The following ETNPPL variants were observed in gnomAD, a reference collection of about 807,000 sequenced individuals.
ETNPPL encodes the protein alanine--glyoxylate aminotransferase 2-like 1.
ETNPPL carries 30 observed loss-of-function variants against 55.5 expected under a neutral mutation model. The observed-to-expected ratio is 0.54, with a 90% CI of 0.40 to 0.73. ETNPPL has a LOEUF of 0.73. Ranked by LOEUF, ETNPPL falls within the 30% of genes least tolerant of loss-of-function variation. The probability of loss-of-function intolerance (pLI) is 0.00; values close to 1 mark genes in which losing one functional copy is unlikely to be tolerated. For synonymous variants in ETNPPL, 202 were observed against 207.2 expected (o/e 0.98, Z 0.21); for missense variants, 528 against 607.9 (o/e 0.87, Z 1.38).
rs749673070 is a variant in ETNPPL, at chr4:108,762,828, C to A, written c.56+15G>T. ...CCCCCTCTCTGCACTTACTTCCGGGCCAGGGTGCCCTTACCCGATGTGCTT... is the reference window on the plus strand; with the variant it reads ...CCCCCTCTCTGCACTTACTTCCGGGACAGGGTGCCCTTACCCGATGTGCTT... On this transcript the variant is annotated intron_variant, in intron 1 of 12. Coordinates refer to ENST00000296486, the MANE Select transcript of ETNPPL (RefSeq NM_031279.4). 2 of 1,613,832 alleles carry A rather than the reference C, an allele frequency of 1.2e-6. No homozygotes were observed. The highest frequency in any genetic ancestry group is 1.7e-6 in the Non-Finnish European group (2 of 1,179,690).
At chr4:108,762,726 C>A in intron 1 of ETNPPL, 117 bp downstream of exon 1, 2 of 1,278,428 alleles carry the variant, frequency 1.6e-6, no homozygotes, top group Admixed American at 1.7e-5. Context: ...ACAGGCGCGG[C>A]GGGCACGGAG....
intron 3 of ETNPPL, among the ~76,000 whole-genome samples, chr4:108,757,173 C>T (rs936136223): frequency 2.0e-5 from 3 of 152,090 alleles, no homozygotes; most frequent in Non-Finnish European, 2.9e-5. Context: ...TCATATTTAC[C>T]CAACATTTGA....
intron 11 of ETNPPL, among the ~76,000 whole-genome samples, chr4:108,745,198 T>C (rs1240562296): frequency 6.6e-6 from 1 of 152,198 alleles, no homozygotes; most frequent in East Asian, 1.9e-4. Context: ...ACAAGATATA[T>C]TTTTATGATA....
At position 108,749,295 on chromosome 4, in the gene ETNPPL, T is replaced by TACC; in HGVS notation, c.867_869dup (p.Val290dup). On this transcript the variant is annotated inframe_insertion, in exon 8 of 13. Coordinates refer to ENST00000296486, the MANE Select transcript of ETNPPL (RefSeq NM_031279.4). ...AGGCTTCTGCAATTTCTTTGGTTGT[T>TACC]ACCACACATGCCACCGGGTGGCCGT... The TACC allele has an allele frequency of 2.5e-6, 4 of 1,614,164 alleles. No homozygotes were observed. Among genetic ancestry groups the TACC allele is most frequent in the Non-Finnish European group, 3.4e-6 (4 of 1,180,026 alleles).
In ETNPPL at chr4:108,759,926, A is replaced by C; in HGVS notation, c.176-18T>G. On this transcript the variant is annotated intron_variant, in intron 2 of 12. Coordinates refer to ENST00000296486, the MANE Select transcript of ETNPPL (RefSeq NM_031279.4). ...GTGTCCCACTAAAATTTATGAAACAAAAGCCCAAGAAATAAGTTAGAATTC... is the reference window on the plus strand; with the variant it reads ...GTGTCCCACTAAAATTTATGAAACACAAGCCCAAGAAATAAGTTAGAATTC... The C allele has an allele frequency of 6.2e-7, 1 of 1,609,910 alleles. No homozygotes were observed. The highest frequency in any genetic ancestry group is 8.5e-7 in the Non-Finnish European group (1 of 1,177,636).
rs751396181 is a variant in ETNPPL, at chr4:108,752,897, T to C, written c.616A>G (p.Lys206Glu). The C allele has an allele frequency of 3.2e-6, 5 of 1,558,536 alleles. No homozygotes were observed. Among genetic ancestry groups the C allele is most frequent in the Non-Finnish European group, 1.8e-6 (2 of 1,132,764 alleles). The change falls in exon 6 of 13, where the codon AAG becomes GAG. Residue 206 changes from lysine to glutamate, a missense_variant and splice_region_variant. Coordinates refer to ENST00000296486, the MANE Select transcript of ETNPPL (RefSeq NM_031279.4). The part of the protein sequence containing the change: ...IIEDAHNSGR[K>E]IAAFIAESMQ... ...TTTCCAAAGCTATAAATACAAACCT[T>C]CCTTCCACTGTTATGAGCATCTTCA...
Position 108,746,775 on chromosome 4 carries a change from G to A in ETNPPL, c.1159C>T (p.His387Tyr), listed in dbSNP as rs1342875557. ...GGGGTGAATTACTTGTAGATGATGT[G>A]CTGAGCTTCAGCTGTGGCAGGGGTC... ...KRTPATAEAQ[H>Y]IIYKMKEKRV... The change falls in exon 10 of 13, where the codon CAC becomes TAC. Residue 387 changes from histidine (H) to tyrosine (Y), a missense_variant. Coordinates refer to ENST00000296486, the MANE Select transcript of ETNPPL (RefSeq NM_031279.4). The A allele has an allele frequency of 6.2e-7, 1 of 1,613,810 alleles. No homozygotes were observed. The highest frequency in any genetic ancestry group is 8.5e-7 in the Non-Finnish European group (1 of 1,179,774).
At chr4:108,750,493 G>A (rs913263597) in intron 7 of ETNPPL, among the ~76,000 whole-genome samples, 10 of 74,286 alleles carry the variant, frequency 1.3e-4, no homozygotes, top group African/African-American at 3.7e-4. Flanking sequence ...ACTTAATACC[G>A]CCGTGTGTGT....
intron 7 of ETNPPL, 80 bp from the exon 8 acceptor site, chr4:108,749,543 G>GAA: frequency 9.7e-7 from 1 of 1,035,312 alleles, no homozygotes; most frequent in South Asian, 1.7e-5. Flanking sequence ...AATTATTGAA[G>GAA]ACAAAAAAAA....
chr4:108,743,962 G>A (rs755869867), intron 11 of ETNPPL, 106 bp from the exon 12 acceptor site: 31 of 748,060 alleles, frequency 4.1e-5, no homozygotes, highest in Non-Finnish European at 4.6e-5. Context: ...GGAAGGAAAT[G>A]TTATGTGTTA....
chr4:108,753,805 A>AAAGAAAGAAAGAAAGG, intron 5 of ETNPPL, among the ~76,000 whole-genome samples: 1 of 117,544 alleles, frequency 8.5e-6, no homozygotes, highest in South Asian at 2.6e-4. Flanking sequence ...AGAAAGAAAG[A>AAAGAAAGAAAGAAAGG]AAAGAGAAGA....
rs1224778930 is a variant in ETNPPL at position 108,748,152 on chromosome 4, C to G, written c.935G>C (p.Gly312Ala). ...SGMEYFNTYG[G>A]NPVSCAVGLA... ...ACCAACAGCACAAGATACTGGATTT[C>G]CTCCATACTGTAAAAAAAAAAAAGA... is the stretch of plus-strand genomic sequence containing the variant. The change falls in exon 9 of 13, where the codon GGA becomes GCA. Residue 312 changes from glycine to alanine, a missense_variant. Gly to Ala is a moderately conservative substitution (Grantham distance 60). Coordinates refer to ENST00000296486, the MANE Select transcript of ETNPPL (RefSeq NM_031279.4). 6.4e-7 allele frequency: 1 copy of G among 1,562,416 alleles called. No homozygotes were observed. The highest frequency in any genetic ancestry group is 8.6e-7 in the Non-Finnish European group (1 of 1,165,126).
intron 4 of ETNPPL, among the ~76,000 whole-genome samples, chr4:108,755,302 A>G (rs72666459): frequency 0.091 from 13,796 of 152,270 alleles, 888 homozygotes; most frequent in Non-Finnish European, 0.14. Context: ...ACAAAAATTA[A>G]CTCAACATGG....
intron 3 of ETNPPL, among the ~76,000 whole-genome samples, chr4:108,759,040 ACTC>A (rs1729373543): frequency 6.6e-6 from 1 of 151,990 alleles, no homozygotes; most frequent in Non-Finnish European, 1.5e-5. Context: ...CAAGAGCGAA[ACTC>A]CATCTCAAAA....
At chr4:108,747,940 G>T in intron 9 of ETNPPL, 65 bp downstream of exon 9, 3 of 1,391,798 alleles carry the variant, frequency 2.2e-6, no homozygotes, top group South Asian at 1.2e-5. Flanking sequence ...ATGTTGCCCA[G>T]CCTATAAACT....
In ETNPPL at chr4:108,763,015, C is replaced by G; in HGVS notation, c.-117G>C. 1 of 914,870 alleles carries G rather than the reference C, an allele frequency of 1.1e-6. No homozygotes were observed. The highest frequency in any genetic ancestry group is 2.0e-5 in the Admixed American group (1 of 49,100). 56.7% of individuals were successfully genotyped at this position (914,870 alleles called of 1,614,324 possible). A position where few individuals can be genotyped will look rare whatever the true frequency, so the allele number is the denominator to read the frequency against. ...GCCTTCCTCCCGTTATCCCTCCTGG[C>G]GTTCTCTTGCCCGGGGCGTCGGAGG... On this transcript the variant is annotated 5_prime_UTR_variant, in exon 1 of 13. Transcript: ENST00000296486.
intron 5 of ETNPPL, 29 bp downstream of exon 5, chr4:108,754,591 A>T: frequency 1.8e-6 from 2 of 1,139,150 alleles, no homozygotes; most frequent in Non-Finnish European, 2.6e-6. Context: ...CAATACAAAC[A>T]TTCTGATTTA....
rs371383788 is a variant in ETNPPL at position 108,759,915 on chromosome 4, T to C, written c.176-7A>G. 1 of 1,612,010 alleles carries C rather than the reference T, an allele frequency of 6.2e-7. No individual in the cohort carries two copies. Among genetic ancestry groups the C allele is most frequent in the Non-Finnish European group, 8.5e-7 (1 of 1,179,148 alleles). On this transcript the variant is annotated splice_polypyrimidine_tract_variant and splice_region_variant and intron_variant, in intron 2 of 12. Transcript: ENST00000296486. Reference sequence around the variant, plus strand: ...CCTGGGTGACAGTGTCCCACTAAAATTTATGAAACAAAAGCCCAAGAAATA... The same window carrying C: ...CCTGGGTGACAGTGTCCCACTAAAACTTATGAAACAAAAGCCCAAGAAATA...
chr4:108,742,650 C>T (rs750747506), intron 12 of ETNPPL, 38 bp from the exon 13 acceptor site: 1 of 1,612,292 alleles, frequency 6.2e-7, no homozygotes, highest in Non-Finnish European at 8.5e-7. Context: ...TGGGCATCCA[C>T]CTCTAATCCA....
Sources: allele counts gnomAD v4.1 joint callset (sites outside exome capture counted in the v4.1 genomes callset), GRCh38; gene constraint gnomAD v4.1.1; transcripts MANE v1.5; gene names NCBI Gene and HGNC (gene_info 2026-07-23, HGNC 2026-07-21).